SEC62: variants seen among roughly 807,000 people sequenced by gnomAD.
SEC62 encodes translocation protein SEC62.
In SEC62, 10 loss-of-function variants were observed where a neutral mutation model predicts 47.5. The observed-to-expected ratio is 0.21, with a 90% CI of 0.13 to 0.36. The LOEUF is 0.36. Among genes scored for constraint, SEC62 ranks in the 10% least tolerant of loss-of-function variants. SEC62 has a pLI of 1.00. For synonymous variants in SEC62, 136 were observed against 150.5 expected (o/e 0.90, Z 0.71); for missense variants, 327 against 464.1 (o/e 0.70, Z 2.71).
At position 169,985,944 on chromosome 3, in the gene SEC62, G is replaced by A. The variant is rs746585820; in HGVS notation, c.610+79G>A. On this transcript the variant is annotated intron_variant, in intron 6 of 7. Coordinates refer to ENST00000337002, the MANE Select transcript of SEC62 (RefSeq NM_003262.4). ...ATATGCAGATACTGTAAAAGAAAAT[G>A]TTCCTAAATTTAACATAAAATAGTT... 1.7e-4 allele frequency: 168 copies of A among 963,892 alleles called. 1 individual carries two copies. The highest frequency in any genetic ancestry group is 1.0e-4 in the East Asian group (4 of 40,100). 59.7% of individuals were successfully genotyped at this position (963,892 alleles called of 1,614,324 possible). A position where few individuals can be genotyped will look rare whatever the true frequency, so the allele number is the denominator to read the frequency against.
rs994594934 is a variant in SEC62, at chr3:169,970,594, A to G, written c.36+3736A>G. ...AAGTAAAAAACAGTATTTATTAAAG[A>G]ATTTTATAAGAGTATTCTAACCAAA... On this transcript the variant is annotated intron_variant, in intron 1 of 7. Coordinates refer to ENST00000337002, the MANE Select transcript of SEC62 (RefSeq NM_003262.4). Among the ~76,000 whole-genome samples, 8 of 152,330 alleles carry G rather than the reference A, an allele frequency of 5.3e-5. No individual in the cohort carries two copies. In the South Asian group the frequency reaches 6.2e-4, roughly 12 times the overall value.
chr3:169,976,555 G>A (rs990709914), intron 2 of SEC62, among the ~76,000 whole-genome samples: 1 of 152,198 alleles, frequency 6.6e-6, no homozygotes, highest in Non-Finnish European at 1.5e-5. Context: ...TTCTTCCTCA[G>A]TGTATTAGAG....
chr3:169,982,112 G>A (rs1714988719), intron 3 of SEC62, among the ~76,000 whole-genome samples: 1 of 152,118 alleles, frequency 6.6e-6, no homozygotes, highest in Non-Finnish European at 1.5e-5. Flanking sequence ...CAAATATATT[G>A]CACATTTTTC....
Position 169,966,807 on chromosome 3 carries a change from G to A in SEC62, c.-16G>A, listed in dbSNP as rs377422985. ...TCCTCGCTCCACGTCAGAGGGAACC[G>A]GGCGGAGCGGCCAACATGGCGGAAC... is the stretch of plus-strand genomic sequence containing the variant. On this transcript the variant is annotated 5_prime_UTR_variant, in exon 1 of 8. Transcript: ENST00000337002. 8 of 1,552,416 alleles carry A rather than the reference G, an allele frequency of 5.2e-6. No homozygotes were observed. The highest frequency in any genetic ancestry group is 1.2e-5 in the South Asian group (1 of 84,072).
At chr3:169,977,094 A>T in intron 3 of SEC62, 43 bp downstream of exon 3, 1 of 1,396,362 alleles carries the variant, frequency 7.2e-7, no homozygotes, top group Non-Finnish European at 1.0e-6. Context: ...ATAATTTTAA[A>T]TTTTCTTCAT....
At chr3:169,985,614 A>G in intron 5 of SEC62, 191 bp from the exon 6 acceptor site, 1 of 465,586 alleles carries the variant, frequency 2.1e-6, no homozygotes. Flanking sequence ...GTTATCCTAT[A>G]ATCATTTTCT....
intron 6 of SEC62, among the ~76,000 whole-genome samples, chr3:169,987,218 AG>A (rs540883290): frequency 8.6e-4 from 131 of 152,144 alleles, no homozygotes; most frequent in Admixed American, 1.8e-3. Flanking sequence ...CTTGAATCCA[AG>A]GGTTCGAAAC....
intron 1 of SEC62, among the ~76,000 whole-genome samples, chr3:169,970,286 A>T (rs1435937826): frequency 1.3e-5 from 2 of 152,192 alleles, no homozygotes; most frequent in Non-Finnish European, 2.9e-5. Flanking sequence ...CAGCTTTCAG[A>T]TCTTATTGTT....
intron 2 of SEC62, among the ~76,000 whole-genome samples, chr3:169,976,655 T>A (rs1468944774): frequency 6.6e-6 from 1 of 152,190 alleles, no homozygotes; most frequent in Non-Finnish European, 1.5e-5. Flanking sequence ...GAGTGATAGT[T>A]ACATACAGAT....
In SEC62 at chr3:169,992,886, A is replaced by T; in HGVS notation, c.1023A>T (p.Ser341=). ...AAGGCTCGGGGGGAGAACGGCATTC[A>T]GACACGGACAGTGACAGGAGGGAAG... is the stretch of plus-strand genomic sequence containing the variant. The part of the protein sequence containing the change: ...GTEGSGGERH[S]DTDSDRREDD... Residue 341 remains serine, a synonymous_variant, in exon 8 of 8, where the codon TCA becomes TCT. Transcript: ENST00000337002. This position sits in a 1 kb window ranked among gnomAD's most constrained non-coding sequence, Gnocchi z 4.0. 6.2e-7 allele frequency: 1 copy of T among 1,614,128 alleles called. No individual in the cohort carries two copies. Among genetic ancestry groups the T allele is most frequent in the South Asian group, 1.1e-5 (1 of 91,074 alleles).
chr3:169,981,826 A>C (rs960148129), intron 3 of SEC62, among the ~76,000 whole-genome samples: 3 of 152,220 alleles, frequency 2.0e-5, no homozygotes, highest in Non-Finnish European at 4.4e-5. Flanking sequence ...ATAGTGAGTT[A>C]GAAGATAAGT....
chr3:169,982,487 ATTGAATATCAC>A (rs1714999054), intron 3 of SEC62: 1 of 476,818 alleles, frequency 2.1e-6, no homozygotes, highest in African/African-American at 2.0e-5. Flanking sequence ...TGAAAATTAT[ATTGAATATCAC>A]TGAGTTTTGA....
intron 1 of SEC62, among the ~76,000 whole-genome samples, chr3:169,971,431 C>T (rs1714696193): frequency 6.6e-6 from 1 of 152,120 alleles, no homozygotes; most frequent in African/African-American, 2.4e-5. Flanking sequence ...AGCAATGGCA[C>T]AAATTATATT....
chr3:169,983,258 GAGTA>G lies in SEC62; in HGVS notation c.549+8_549+11del. On this transcript the variant is annotated splice_donor_region_variant and intron_variant, in intron 5 of 7. Coordinates refer to ENST00000337002, the MANE Select transcript of SEC62 (RefSeq NM_003262.4). ...GTTTTTCTGGATGGAAATGAGGTGA[GAGTA>G]AGCCTATAACTAGAAGTTCAGTTTT... 1 of 1,598,414 alleles carries G rather than the reference GAGTA, an allele frequency of 6.3e-7. No individual in the cohort carries two copies. Among genetic ancestry groups the G allele is most frequent in the East Asian group, 2.2e-5 (1 of 44,458 alleles).
intron 1 of SEC62, among the ~76,000 whole-genome samples, chr3:169,971,447 A>G (rs1300479751): frequency 6.6e-6 from 1 of 152,210 alleles, no homozygotes; most frequent in Non-Finnish European, 1.5e-5. Flanking sequence ...ATATTGTTGC[A>G]TTGAAGGCAG....
At chr3:169,988,134 G>T in intron 6 of SEC62, 106 bp from the exon 7 acceptor site, 2 of 1,277,548 alleles carry the variant, frequency 1.6e-6, no homozygotes, top group South Asian at 2.6e-5. Flanking sequence ...ATATTTCACT[G>T]TGTTTATGTT....
At chr3:169,974,176 TTC>T (rs1226062887) in intron 1 of SEC62, among the ~76,000 whole-genome samples, 2 of 152,252 alleles carry the variant, frequency 1.3e-5, no homozygotes, top group Non-Finnish European at 2.9e-5. Flanking sequence ...GCATCTTAGA[TTC>T]TTGCCAGATT....
At chr3:169,986,207 A>C (rs1421277727) in intron 6 of SEC62, among the ~76,000 whole-genome samples, 1 of 152,174 alleles carries the variant, frequency 6.6e-6, no homozygotes, top group African/African-American at 2.4e-5. Flanking sequence ...AAGGTCTTAG[A>C]AAAAAATCAG....
intron 5 of SEC62, 35 bp downstream of exon 5, chr3:169,983,288 C>T (rs752820383): frequency 7.0e-7 from 1 of 1,436,070 alleles, no homozygotes; most frequent in Non-Finnish European, 9.5e-7. Flanking sequence ...GTTCAGTTTT[C>T]TATAGGAGTT....
Sources: gnomAD v4.1 joint callset for allele counts (sites outside exome capture counted in the v4.1 genomes callset) on GRCh38, gnomAD v4.1.1 for gene constraint, Gnocchi (gnomAD v3.1) non-coding constraint, MANE v1.5 for transcripts, NCBI Gene and HGNC (gene_info 2026-07-23, HGNC 2026-07-21) for gene names.